The following DNAI2 variants were observed in gnomAD, a reference collection of about 807,000 sequenced individuals.
DNAI2 encodes the protein dynein, axonemal, intermediate polypeptide 2.
In DNAI2, 63 loss-of-function variants were observed where a neutral mutation model predicts 74.7. The ratio of observed to expected loss-of-function variants is 0.84; its 90% CI spans 0.69 to 1.04. The LOEUF (loss-of-function observed/expected upper bound fraction) is 1.04, where lower values mean the gene tolerates loss of function less well. Among genes scored for constraint, DNAI2 ranks in the 50% least tolerant of loss-of-function variants. DNAI2 has a pLI of 0.00. For missense variants in DNAI2, 688 were observed against 803.2 expected (o/e 0.86, Z 1.73); for synonymous variants, 289 against 314.9 (o/e 0.92, Z 0.87).
At chr17:74,286,297 AAATAATAATAAT>A (rs10637482) in intron 3 of DNAI2, among the ~76,000 whole-genome samples, 23,599 of 140,588 alleles carry the variant, frequency 0.17, 2,488 homozygotes, top group African/African-American at 0.3. Context: ...CTGTGTCTCA[AAATAATAATAAT>A]AATAATAATA....
At chr17:74,281,743 A>G in intron 1 of DNAI2, 64 bp from the exon 2 acceptor site, 6 of 1,538,050 alleles carry the variant, frequency 3.9e-6, no homozygotes, top group Non-Finnish European at 4.5e-6. Context: ...TCCTGGCAGG[A>G]CCTGTGGAGA....
intron 6 of DNAI2, among the ~76,000 whole-genome samples, chr17:74,294,456 C>A (rs1182311557): frequency 6.6e-6 from 1 of 152,032 alleles, no homozygotes; most frequent in African/African-American, 2.4e-5. Context: ...ACAACAGGTG[C>A]ACGTCACCAC....
At chr17:74,311,960 C>T (rs1300799679) in intron 11 of DNAI2, 43 bp from the exon 12 acceptor site, 2 of 1,599,230 alleles carry the variant, frequency 1.3e-6, no homozygotes, top group Non-Finnish European at 8.5e-7. Context: ...GCTTGCCATC[C>T]TGCCCTCTCC....
In DNAI2 at chr17:74,309,395, C is replaced by T. The variant is rs2290955; in HGVS notation, c.1347+7C>T. On this transcript the variant is annotated splice_region_variant and intron_variant, in intron 10 of 13. Coordinates refer to ENST00000311014, the MANE Select transcript of DNAI2 (RefSeq NM_023036.6). ...TCCCACCCTCAGCTTGAAGGTCACG[C>T]GCATGTCCCTCCTTGTGCATCCAGG... 962,185 of 1,613,576 alleles carry T rather than the reference C, an allele frequency of 0.6. 300,890 individuals carry two copies. Among genetic ancestry groups the T allele is most frequent in the Non-Finnish European group, 0.65 (770,986 of 1,179,764 alleles).
Position 74,281,884 on chromosome 17 carries a change from C to T in DNAI2, c.67C>T (p.Arg23Cys), listed in dbSNP as rs2051409986. 3 of 1,614,100 alleles carry T rather than the reference C, an allele frequency of 1.9e-6. No individual in the cohort carries two copies. The highest frequency in any genetic ancestry group is 2.5e-6 in the Non-Finnish European group (3 of 1,180,036). The stretch of plus-strand genomic sequence containing the variant: ...CGGGAAGCAGTGCAATTTCTCGGAC[C>T]GCCAGGCCGAGCTGAACATCGACAT... ...EFGKQCNFSD[R>C]QAELNIDIMP... is the part of the protein sequence containing the mutation. Residue 23 changes from arginine (R) to cysteine (C), a missense_variant, in exon 2 of 14, where the codon CGC (arginine) becomes TGC (cysteine). Transcript: ENST00000311014.
At chr17:74,304,844 C>T (rs1485825067) in intron 8 of DNAI2, among the ~76,000 whole-genome samples, 2 of 152,168 alleles carry the variant, frequency 1.3e-5, no homozygotes, top group Admixed American at 1.3e-4. Context: ...CTGGGTGGGC[C>T]ACCCTGCATC....
Position 74,283,106 on chromosome 17 carries a change from T to C in DNAI2, c.183+1106T>C, listed in dbSNP as rs74567646. Among the ~76,000 whole-genome samples, 85 of 152,332 alleles carry C rather than the reference T, an allele frequency of 5.6e-4. 1 individual carries two copies. In the East Asian group the frequency reaches 0.013, roughly 24 times the overall value. ...TTTCCTATGGTGCTGATCCAGATTT[T>C]ACCTTTTGTGAGAGCTGGCTTAAAA... On this transcript the variant is annotated intron_variant, in intron 2 of 13. Coordinates refer to ENST00000311014, the MANE Select transcript of DNAI2 (RefSeq NM_023036.6).
intron 1 of DNAI2, chr17:74,281,550 G>T (rs62065702): frequency 6.8e-6 from 4 of 585,592 alleles, no homozygotes; most frequent in Non-Finnish European, 1.2e-5. Flanking sequence ...CAGCTACCGC[G>T]CCTGGCCAAA....
In DNAI2 at chr17:74,285,150, G is replaced by A. The variant is rs1392788051; in HGVS notation, c.294G>A (p.Lys98=). Residue 98 remains lysine (K), a synonymous_variant, in exon 3 of 14, where the codon AAG becomes AAA. Coordinates refer to ENST00000311014, the MANE Select transcript of DNAI2 (RefSeq NM_023036.6). ...TGGAGCAGACCATCCGTTTCCGGAA[G>A]AAAGTGGAGAAAGATGAGAACTACG... is the stretch of plus-strand genomic sequence containing the variant. ...LELEQTIRFR[K]KVEKDENYVN... 1 of 1,614,276 alleles carries A rather than the reference G, an allele frequency of 6.2e-7. No individual in the cohort carries two copies. The highest frequency in any genetic ancestry group is 1.3e-5 in the African/African-American group (1 of 75,082).
At chr17:74,299,970 T>C (rs2144028330) in intron 7 of DNAI2, 113 bp downstream of exon 7, 2 of 1,480,962 alleles carry the variant, frequency 1.4e-6, no homozygotes, top group Admixed American at 1.9e-5. Flanking sequence ...TATTTTGAGA[T>C]GGAGTTTCAC....
chr17:74,284,044 A>G (rs1009952033), intron 2 of DNAI2, among the ~76,000 whole-genome samples: 1 of 151,776 alleles, frequency 6.6e-6, no homozygotes, highest in East Asian at 1.9e-4. Flanking sequence ...AGGCTGAAGC[A>G]GGAGACTCAC....
chr17:74,283,860 G>A (rs1035864162), intron 2 of DNAI2, among the ~76,000 whole-genome samples: 2 of 152,062 alleles, frequency 1.3e-5, no homozygotes, highest in African/African-American at 2.4e-5. Flanking sequence ...TGTACTGGCC[G>A]GGCGCAGTGG....
In DNAI2 at chr17:74,282,008, C is replaced by T. The variant is rs773657423; in HGVS notation, c.183+8C>T. The T allele has an allele frequency of 6.2e-7, 1 of 1,613,772 alleles. No homozygotes were observed. Among genetic ancestry groups the T allele is most frequent in the Non-Finnish European group, 8.5e-7 (1 of 1,179,946 alleles). On this transcript the variant is annotated splice_region_variant and intron_variant, in intron 2 of 13. Coordinates refer to ENST00000311014, the MANE Select transcript of DNAI2 (RefSeq NM_023036.6). Reference sequence around the variant, plus strand: ...AGCATGTCGGAACACGAGGTGGGTCCCTGCCCCAAGGGCCCTGGCCTGTCA... The same window carrying T: ...AGCATGTCGGAACACGAGGTGGGTCTCTGCCCCAAGGGCCCTGGCCTGTCA...
intron 8 of DNAI2, among the ~76,000 whole-genome samples, chr17:74,302,909 C>G (rs2052946238): frequency 6.6e-6 from 1 of 152,190 alleles, no homozygotes; most frequent in Non-Finnish European, 1.5e-5. Context: ...TTCCACTGAC[C>G]CCCTCCCCAG....
At chr17:74,285,798 T>C (rs1042511936) in intron 3 of DNAI2, among the ~76,000 whole-genome samples, 3 of 151,794 alleles carry the variant, frequency 2.0e-5, no homozygotes, top group Non-Finnish European at 4.4e-5. Context: ...GGAGGGTCAA[T>C]CTCCTGCTGA....
chr17:74,303,150 T>C (rs60523779), intron 8 of DNAI2, among the ~76,000 whole-genome samples: 3 of 152,162 alleles, frequency 2.0e-5, no homozygotes, highest in Non-Finnish European at 4.4e-5. Flanking sequence ...GTAATGTTAT[T>C]ATCCGTACTT....
At chr17:74,282,858 A>G (rs955459861) in intron 2 of DNAI2, among the ~76,000 whole-genome samples, 2 of 152,240 alleles carry the variant, frequency 1.3e-5, no homozygotes, top group Non-Finnish European at 2.9e-5. Context: ...CACGTCCAAC[A>G]GTCAGGTGGG....
chr17:74,276,971 C>T (rs2051117982), intron 1 of DNAI2, among the ~76,000 whole-genome samples: 2 of 152,186 alleles, frequency 1.3e-5, no homozygotes, highest in African/African-American at 4.8e-5. Flanking sequence ...AAGGCCGTAG[C>T]TTTGTCCATG....
chr17:74,275,884 T>C (rs1191506836), intron 1 of DNAI2, among the ~76,000 whole-genome samples: 1 of 151,906 alleles, frequency 6.6e-6, no homozygotes, highest in African/African-American at 2.4e-5. Flanking sequence ...AGCAACACTG[T>C]CCCAAAAGCA....
Sources: allele counts gnomAD v4.1 joint callset (sites outside exome capture counted in the v4.1 genomes callset), GRCh38; gene constraint gnomAD v4.1.1; transcripts MANE v1.5; gene names NCBI Gene and HGNC (gene_info 2026-07-23, HGNC 2026-07-21).